The following HDAC4 variants were observed in gnomAD, a reference collection of about 807,000 sequenced individuals.
HDAC4 encodes histone deacetylase A.
In HDAC4, 16 loss-of-function variants were observed where a neutral mutation model predicts 135.1. The observed-to-expected ratio is 0.12, with a 90% CI of 0.08 to 0.18. The LOEUF (loss-of-function observed/expected upper bound fraction) is 0.18, where lower values mean the gene tolerates loss of function less well. Ranked by LOEUF, HDAC4 falls within the 10% of genes least tolerant of loss-of-function variation. The pLI is 1.00. For synonymous variants in HDAC4, 685 were observed against 653.4 expected, an observed-to-expected ratio of 1.05 and a Z score of -0.74; for missense variants, 1,143 against 1,511.8, an observed-to-expected ratio of 0.76 and a Z score of 4.05.
chr2:239,153,871 G>A (rs540805983), intron 7 of HDAC4, among the ~76,000 whole-genome samples: 4 of 152,228 alleles, frequency 2.6e-5, no homozygotes. Context: ...GAGATGGCGC[G>A]GGCCCTGCCT....
At chr2:239,112,250 G>T (rs927572940) in intron 13 of HDAC4, among the ~76,000 whole-genome samples, 8 of 152,178 alleles carry the variant, frequency 5.3e-5, no homozygotes, top group Non-Finnish European at 8.8e-5. Flanking sequence ...ACACACATAC[G>T]GTGAGTGGGC....
intron 22 of HDAC4, among the ~76,000 whole-genome samples, chr2:239,078,256 T>A (rs765169892): frequency 6.6e-6 from 1 of 152,212 alleles, no homozygotes; most frequent in Non-Finnish European, 1.5e-5. Flanking sequence ...TCTCCGGGCC[T>A]GAGGAGAAAG....
rs2030516918 is a variant in HDAC4, at chr2:239,049,622, G to A, written c.*3475C>T. 1 of 152,562 alleles carries A rather than the reference G, an allele frequency of 6.6e-6. No individual in the cohort carries two copies. Among genetic ancestry groups the A allele is most frequent in the African/African-American group, 2.4e-5 (1 of 41,470 alleles). 9.5% of individuals were successfully genotyped at this position (152,562 alleles called of 1,614,324 possible). A position where few individuals can be genotyped will look rare whatever the true frequency, so the allele number is the denominator to read the frequency against. The stretch of plus-strand genomic sequence containing the variant: ...AAAAACAACAAAGTCCATTGCTAGT[G>A]CTGCAAAAATCAAACTTGCTTTTGT... On this transcript the variant is annotated 3_prime_UTR_variant, in exon 27 of 27. Coordinates refer to ENST00000543185, the MANE Select transcript of HDAC4 (RefSeq NM_001378414.1).
intron 3 of HDAC4, among the ~76,000 whole-genome samples, chr2:239,195,419 C>T (rs557801919): frequency 6.6e-6 from 1 of 152,340 alleles, no homozygotes; most frequent in Admixed American, 6.5e-5. Context: ...CTCCTGAGGG[C>T]TTCCTAATGA....
At chr2:239,250,466 C>T (rs530659303) in intron 2 of HDAC4, among the ~76,000 whole-genome samples, 1 of 152,374 alleles carries the variant, frequency 6.6e-6, no homozygotes, top group African/African-American at 2.4e-5. Context: ...CAGCTCCAGG[C>T]AGTCAGCTCC....
chr2:239,178,202 G>A (rs531442206), intron 4 of HDAC4, among the ~76,000 whole-genome samples: 3 of 152,308 alleles, frequency 2.0e-5, no homozygotes, highest in African/African-American at 4.8e-5. Context: ...CTCTGTGGCC[G>A]CACGTGTCCC....
Position 239,167,384 on chromosome 2 carries a change from G to A in HDAC4, c.491-3461C>T, listed in dbSNP as rs34909752. Among the ~76,000 whole-genome samples, 28,218 of 152,218 alleles carry A rather than the reference G, an allele frequency of 0.19. 3,026 individuals carry two copies. The highest frequency in any genetic ancestry group is 0.32 in the East Asian group (1,645 of 5,150). On this transcript the variant is annotated intron_variant, in intron 5 of 26. Coordinates refer to ENST00000543185, the MANE Select transcript of HDAC4 (RefSeq NM_001378414.1). The surrounding 1 kb of genome is among the most constrained non-coding windows in gnomAD (Gnocchi z 4.1). ...TCCTGCCTGGCTCCCTCTATGCAGGGCTGGGTGCTGGGCATGACTGGCGTT... is the reference window on the plus strand; with the variant it reads ...TCCTGCCTGGCTCCCTCTATGCAGGACTGGGTGCTGGGCATGACTGGCGTT...
At position 239,238,146 on chromosome 2, in the gene HDAC4, C is replaced by T. The variant is rs115384134; in HGVS notation, c.23-1482G>A. ...CCATGTCTCAAGAGAACCTTCACTG[C>T]AACTCAGAAAGAGACCCCAGATAGT... On this transcript the variant is annotated intron_variant, in intron 2 of 26. Coordinates refer to ENST00000543185, the MANE Select transcript of HDAC4 (RefSeq NM_001378414.1). Among the ~76,000 whole-genome samples, 412 of 152,266 alleles carry T rather than the reference C, an allele frequency of 2.7e-3. 1 individual carries two copies. Among genetic ancestry groups the T allele is most frequent in the Non-Finnish European group, 4.8e-3 (325 of 68,008 alleles).
intron 5 of HDAC4, among the ~76,000 whole-genome samples, chr2:239,166,428 C>T (rs1023305455): frequency 6.6e-6 from 1 of 152,190 alleles, no homozygotes; most frequent in Non-Finnish European, 1.5e-5. Context: ...CCAGCTCATG[C>T]TGCTGAAGAT....
chr2:239,134,276 C>T lies in HDAC4; in HGVS notation c.1263G>A (p.Glu421=), dbSNP rs1337626454. Reference sequence around the variant, plus strand: ...CGAGGGGTGCTTGTGCCGGCGGCTGCTCCAGTAAGACCATGTGCTGCAGAA... The same window carrying T: ...CGAGGGGTGCTTGTGCCGGCGGCTGTTCCAGTAAGACCATGTGCTGCAGAA... The part of the protein sequence containing the change: ...SPLLQHMVLL[E]QPPAQAPLVT... Residue 421 remains glutamate, a synonymous_variant, in exon 11 of 27, where the codon GAG becomes GAA. Coordinates refer to ENST00000543185, the MANE Select transcript of HDAC4 (RefSeq NM_001378414.1). 1 of 1,612,820 alleles carries T rather than the reference C, an allele frequency of 6.2e-7. No individual in the cohort carries two copies. Among genetic ancestry groups the T allele is most frequent in the African/African-American group, 1.3e-5 (1 of 74,936 alleles).
intron 12 of HDAC4, among the ~76,000 whole-genome samples, chr2:239,120,377 G>GCAGAGGCACACA (rs1185822705): frequency 5.0e-5 from 4 of 79,652 alleles, no homozygotes; most frequent in East Asian, 3.6e-4. Flanking sequence ...ACATATACCC[G>GCAGAGGCACACA]CAGAGGCACA....
chr2:239,068,501 G>A lies in HDAC4; in HGVS notation c.2857C>T (p.Leu953Phe). ...GHPTPLGGYN[L>F]SARCFGYLTK... The stretch of plus-strand genomic sequence containing the variant: ...CAGAACCACTTACATCTGGCGGAGA[G>A]GTTGTAGCCCCCAAGAGGGGTGGGG... Residue 953 changes from leucine (L) to phenylalanine (F), a missense_variant, in exon 23 of 27, where the codon CTC (leucine) becomes TTC (phenylalanine). Coordinates refer to ENST00000543185, the MANE Select transcript of HDAC4 (RefSeq NM_001378414.1). The surrounding 1 kb of genome is among the most constrained non-coding windows in gnomAD (Gnocchi z 4.4). 1 of 1,612,812 alleles carries A rather than the reference G, an allele frequency of 6.2e-7. No homozygotes were observed. Among genetic ancestry groups the A allele is most frequent in the South Asian group, 1.1e-5 (1 of 91,064 alleles).
intron 1 of HDAC4, among the ~76,000 whole-genome samples, chr2:239,396,844 C>CA (rs1356491934): frequency 3.3e-5 from 5 of 152,324 alleles, no homozygotes; most frequent in African/African-American, 9.6e-5. Flanking sequence ...CCAAGGTAAT[C>CA]AACAGACCGA....
At chr2:239,366,139 G>A (rs1343739312) in intron 1 of HDAC4, among the ~76,000 whole-genome samples, 32 of 136,632 alleles carry the variant, frequency 2.3e-4, no homozygotes, top group South Asian at 7.2e-4. Context: ...ACACAAACAC[G>A]CATGCACAGA....
chr2:239,101,383 T>C (rs1392192512), intron 16 of HDAC4, among the ~76,000 whole-genome samples: 3 of 152,038 alleles, frequency 2.0e-5, no homozygotes, highest in South Asian at 2.1e-4. Flanking sequence ...AGCGAGTGAG[T>C]GAGTGAACGC....
intron 4 of HDAC4, among the ~76,000 whole-genome samples, chr2:239,177,811 T>C (rs1208765318): frequency 6.6e-6 from 1 of 152,174 alleles, no homozygotes; most frequent in Non-Finnish European, 1.5e-5. Context: ...GAAGAACTGT[T>C]TAAAAAGAAA....
intron 3 of HDAC4, among the ~76,000 whole-genome samples, chr2:239,224,268 C>T (rs533922797): frequency 2.6e-5 from 4 of 152,328 alleles, no homozygotes; most frequent in East Asian, 1.9e-4. Context: ...TCCACCTACC[C>T]GGACTGAGCC....
intron 19 of HDAC4, 66 bp downstream of exon 19, chr2:239,087,493 C>T: frequency 6.7e-7 from 1 of 1,503,158 alleles, no homozygotes; most frequent in Non-Finnish European, 9.2e-7. Flanking sequence ...ACACACCCAC[C>T]CAGCCCTAAG....
At chr2:239,213,706 G>C (rs1319624517) in intron 3 of HDAC4, among the ~76,000 whole-genome samples, 2 of 152,230 alleles carry the variant, frequency 1.3e-5, no homozygotes, top group Non-Finnish European at 2.9e-5. Context: ...GAGACGCACA[G>C]GACAGCCCAC....
Sources: gnomAD v4.1 joint callset for allele counts (sites outside exome capture counted in the v4.1 genomes callset) on GRCh38, gnomAD v4.1.1 for gene constraint, Gnocchi (gnomAD v3.1) non-coding constraint, MANE v1.5 for transcripts, NCBI Gene and HGNC (gene_info 2026-07-23, HGNC 2026-07-21) for gene names.